The following TMEM135 variants were observed in gnomAD, a reference collection of about 807,000 sequenced individuals.
TMEM135 encodes transmembrane protein 135, also known as peroxisomal membrane protein 52.
In TMEM135, 30 loss-of-function variants were observed where a neutral mutation model predicts 60.3. That is an observed-to-expected ratio of 0.50 (90% confidence interval 0.37 to 0.68). The LOEUF is 0.68. Ranked by LOEUF, TMEM135 falls within the 30% of genes least tolerant of loss-of-function variation. The pLI, the probability that TMEM135 is intolerant of heterozygous loss-of-function variation, is 0.00. For synonymous variants in TMEM135, 190 were observed against 186.7 expected, an observed-to-expected ratio of 1.02 and a Z score of -0.14; for missense variants, 468 against 548.8, an observed-to-expected ratio of 0.85 and a Z score of 1.47.
intron 6 of TMEM135, among the ~76,000 whole-genome samples, chr11:87,245,309 G>GA (rs1197080810): frequency 6.9e-6 from 1 of 144,640 alleles, no homozygotes; most frequent in African/African-American, 2.6e-5. Flanking sequence ...GTGTGGTGCT[G>GA]AAAAAAATAT....
At chr11:87,166,319 A>G (rs1032871544) in intron 5 of TMEM135, among the ~76,000 whole-genome samples, 2 of 151,486 alleles carry the variant, frequency 1.3e-5, no homozygotes, top group African/African-American at 4.9e-5. Flanking sequence ...ATTTGATGCT[A>G]TTTTCAATTT....
intron 5 of TMEM135, among the ~76,000 whole-genome samples, chr11:87,216,292 A>G (rs1021956100): frequency 6.6e-6 from 1 of 152,254 alleles, no homozygotes; most frequent in East Asian, 1.9e-4. Context: ...GAGTAGACCT[A>G]AGATATTCTA....
intron 4 of TMEM135, among the ~76,000 whole-genome samples, chr11:87,122,215 A>T (rs1280370370): frequency 6.6e-6 from 1 of 151,272 alleles, no homozygotes. Context: ...TTCTTCCATT[A>T]TATCCAGCTT....
chr11:87,162,329 G>A (rs1331319203), intron 5 of TMEM135, among the ~76,000 whole-genome samples: 1 of 151,990 alleles, frequency 6.6e-6, no homozygotes, highest in South Asian at 2.1e-4. Flanking sequence ...CCATCAACCC[G>A]TCATCTACAT....
At chr11:87,124,304 A>C (rs1454014959) in intron 4 of TMEM135, among the ~76,000 whole-genome samples, 1 of 152,218 alleles carries the variant, frequency 6.6e-6, no homozygotes, top group African/African-American at 2.4e-5. Flanking sequence ...ACTTAGCAGC[A>C]GGACCTTTTA....
chr11:87,204,467 T>C (rs1441076822), intron 5 of TMEM135, among the ~76,000 whole-genome samples: 1 of 152,156 alleles, frequency 6.6e-6, no homozygotes, highest in African/African-American at 2.4e-5. Flanking sequence ...CAGTTAAAAA[T>C]TTGAGAATAA....
At chr11:87,069,525 T>A (rs755669779) in intron 2 of TMEM135, among the ~76,000 whole-genome samples, 12 of 152,122 alleles carry the variant, frequency 7.9e-5, no homozygotes, top group Non-Finnish European at 1.5e-4. Context: ...GTAGATGAGA[T>A]GCTGTTACTT....
At chr11:87,263,654 C>T (rs72957868) in intron 6 of TMEM135, among the ~76,000 whole-genome samples, 3,766 of 151,794 alleles carry the variant, frequency 0.025, 70 homozygotes, top group Non-Finnish European at 0.036. Flanking sequence ...TGAATAATAC[C>T]AATACTTAAG....
Position 87,243,981 on chromosome 11 carries a change from G to T in TMEM135, c.509+7297G>T, listed in dbSNP as rs1941198853. Among the ~76,000 whole-genome samples the T allele has an allele frequency of 3.6e-5, 3 of 82,996 alleles. 1 individual carries two copies. Among genetic ancestry groups the T allele is most frequent in the Non-Finnish European group, 8.7e-5 (3 of 34,392 alleles). The allele number at this position is 82,996 out of a possible 152,430, so 54.4% of individuals were successfully genotyped here. On this transcript the variant is annotated intron_variant, in intron 6 of 14. Coordinates refer to ENST00000305494, the MANE Select transcript of TMEM135 (RefSeq NM_022918.4). ...TTGCCCATTCAGTATGATATTGGCT[G>T]TGGGTTTGTCATAGATAGCTCTTAT...
intron 6 of TMEM135, among the ~76,000 whole-genome samples, chr11:87,244,844 G>A (rs1213919393): frequency 0.016 from 2,312 of 148,422 alleles, 29 homozygotes; most frequent in Non-Finnish European, 0.024. Context: ...TTGTGTCTCT[G>A]TTTCCTTCAG....
chr11:87,316,981 G>GTTAATT (rs1353745296), intron 12 of TMEM135, among the ~76,000 whole-genome samples: 1 of 151,528 alleles, frequency 6.6e-6, no homozygotes, highest in Non-Finnish European at 1.5e-5. Flanking sequence ...TGTGATTGAA[G>GTTAATT]TTAATTTTAT....
chr11:87,170,951 C>T (rs1939220704), intron 5 of TMEM135, among the ~76,000 whole-genome samples: 1 of 152,172 alleles, frequency 6.6e-6, no homozygotes, highest in Admixed American at 6.5e-5. Flanking sequence ...TAAGCCCCTG[C>T]CTGGGGCTGC....
At chr11:87,108,784 A>C (rs988790357) in intron 4 of TMEM135, among the ~76,000 whole-genome samples, 1 of 152,170 alleles carries the variant, frequency 6.6e-6, no homozygotes, top group Non-Finnish European at 1.5e-5. Flanking sequence ...ATTTCTGTGT[A>C]AAGACTTGTA....
At chr11:87,144,203 A>G (rs1009571993) in intron 4 of TMEM135, among the ~76,000 whole-genome samples, 4 of 151,912 alleles carry the variant, frequency 2.6e-5, no homozygotes, top group Non-Finnish European at 5.9e-5. Flanking sequence ...ATTGCTTATT[A>G]AAAAAAACAA....
chr11:87,196,775 C>G (rs893863381), intron 5 of TMEM135, among the ~76,000 whole-genome samples: 1 of 151,922 alleles, frequency 6.6e-6, no homozygotes, highest in Non-Finnish European at 1.5e-5. Flanking sequence ...CATGAACTTT[C>G]AGACTTTAAC....
At chr11:87,178,547 T>C (rs1939439496) in intron 5 of TMEM135, 1 of 455,906 alleles carries the variant, frequency 2.2e-6, no homozygotes, top group African/African-American at 2.0e-5. Context: ...TGCCTGAGTC[T>C]CCTGAGTAGC....
At chr11:87,078,730 C>T (rs1856923592) in intron 3 of TMEM135, among the ~76,000 whole-genome samples, 1 of 152,038 alleles carries the variant, frequency 6.6e-6, no homozygotes, top group South Asian at 2.1e-4. Flanking sequence ...TCCCCTGCCT[C>T]AGCCTCCCAA....
intron 4 of TMEM135, among the ~76,000 whole-genome samples, chr11:87,136,661 CTT>C (rs5793240): frequency 8.1e-5 from 12 of 148,290 alleles, no homozygotes; most frequent in South Asian, 2.1e-4. Context: ...ACTATTTCAA[CTT>C]TTTTTTTTTT....
rs75310740 is a variant in TMEM135 at position 87,244,933 on chromosome 11, T to C, written c.509+8249T>C. Reference sequence around the variant, plus strand: ...GCTCTTGCTTTTCTAGTTCTTTTAATTGCGATGTTCGGGTGTCAATTTTGG... The same window carrying C: ...GCTCTTGCTTTTCTAGTTCTTTTAACTGCGATGTTCGGGTGTCAATTTTGG... On this transcript the variant is annotated intron_variant, in intron 6 of 14. Transcript: ENST00000305494. 2.6e-4 allele frequency among the ~76,000 whole-genome samples: 39 copies of C among 151,786 alleles called. No individual in the cohort carries two copies. The East Asian group carries it at 7.2e-3, about 28-fold the overall frequency.
Sources: gnomAD v4.1 joint callset for allele counts (sites outside exome capture counted in the v4.1 genomes callset) on GRCh38, gnomAD v4.1.1 for gene constraint, MANE v1.5 for transcripts, NCBI Gene and HGNC (gene_info 2026-07-23, HGNC 2026-07-21) for gene names.